The following MAD1L1 variants were observed in gnomAD, a reference collection of about 807,000 sequenced individuals.
The protein encoded by MAD1L1 is mitotic arrest deficient 1 like 1, also known as mitotic spindle assembly checkpoint protein MAD1.
MAD1L1 carries 95 observed loss-of-function variants against 96.9 expected under a neutral mutation model. The ratio of observed to expected loss-of-function variants is 0.98; its 90% CI spans 0.83 to 1.16. MAD1L1 has a LOEUF of 1.16. Among genes scored for constraint, MAD1L1 ranks in the 50% most tolerant of loss-of-function variants. The probability of loss-of-function intolerance (pLI) is 0.00; values close to 1 mark genes in which losing one functional copy is unlikely to be tolerated. For missense variants in MAD1L1, 1,007 were observed against 954.4 expected (o/e 1.06, Z -0.73); for synonymous variants, 473 against 396.6 (o/e 1.19, Z -2.29).
chr7:1,975,918 C>T (rs763501308), intron 15 of MAD1L1, among the ~76,000 whole-genome samples: 7 of 152,220 alleles, frequency 4.6e-5, no homozygotes, highest in Non-Finnish European at 5.9e-5. Flanking sequence ...AAGCGTCTAA[C>T]CAGTTGCTGA....
At chr7:2,115,273 C>G (rs927120683) in intron 11 of MAD1L1, among the ~76,000 whole-genome samples, 1 of 148,318 alleles carries the variant, frequency 6.7e-6, no homozygotes, top group African/African-American at 2.5e-5. Flanking sequence ...TCAGAGGAGG[C>G]GCTGGACAGG....
chr7:1,933,666 G>A (rs929314486), intron 17 of MAD1L1, among the ~76,000 whole-genome samples: 2 of 152,338 alleles, frequency 1.3e-5, no homozygotes, highest in South Asian at 2.1e-4. Context: ...GGGAGGCAGC[G>A]GCCGACCTGG....
rs991274947 is a variant in MAD1L1 at position 1,842,901 on chromosome 7, G to A, written c.1999-26673C>T. Among the ~76,000 whole-genome samples the A allele has an allele frequency of 3.3e-5, 5 of 152,380 alleles. No individual in the cohort carries two copies. In the South Asian group the frequency reaches 1.0e-3, roughly 32 times the overall value. Reference sequence around the variant, plus strand: ...GCCTTGCGGCTGGTTCCCGGATGGGGAGGGTACACTGCCTGGAGCTCAGGG... The same window carrying A: ...GCCTTGCGGCTGGTTCCCGGATGGGAAGGGTACACTGCCTGGAGCTCAGGG... On this transcript the variant is annotated intron_variant, in intron 18 of 18. Transcript: ENST00000265854.
At chr7:2,211,073 ATC>A (rs1312012185) in intron 10 of MAD1L1, among the ~76,000 whole-genome samples, 1 of 152,164 alleles carries the variant, frequency 6.6e-6, no homozygotes, top group African/African-American at 2.4e-5. Context: ...CCGAAGAACT[ATC>A]TGTGTTCCTC....
intron 18 of MAD1L1, chr7:1,829,763 AC>A (rs1482984201): frequency 6.6e-6 from 1 of 152,008 alleles, no homozygotes; most frequent in Non-Finnish European, 1.5e-5. Flanking sequence ...ATTAAAGTAC[AC>A]AAAGTACATC....
At chr7:2,167,558 T>C (rs1425639184) in intron 10 of MAD1L1, among the ~76,000 whole-genome samples, 1 of 150,744 alleles carries the variant, frequency 6.6e-6, no homozygotes, top group Non-Finnish European at 1.5e-5. Context: ...CAAAAAATAA[T>C]AATAATAATA....
chr7:2,220,512 C>T (rs529300490), intron 5 of MAD1L1, among the ~76,000 whole-genome samples: 1 of 152,354 alleles, frequency 6.6e-6, no homozygotes, highest in South Asian at 2.1e-4. Flanking sequence ...CGGAAACACA[C>T]GGGCGTGATG....
In MAD1L1 at chr7:1,822,442, A is replaced by ATATATATATAT. The variant is rs768089526; in HGVS notation, c.1999-6215_1999-6214insATATATATATA. Among the ~76,000 whole-genome samples the ATATATATATAT allele has an allele frequency of 1.4e-3, 192 of 140,578 alleles. 1 individual carries two copies. Among genetic ancestry groups the ATATATATATAT allele is most frequent in the African/African-American group, 3.0e-3 (114 of 38,186 alleles). The allele number at this position is 140,578 out of a possible 152,430, so 92.2% of individuals were successfully genotyped here. A position where few individuals can be genotyped will look rare whatever the true frequency, so the allele number is the denominator to read the frequency against. On this transcript the variant is annotated intron_variant, in intron 18 of 18. Transcript: ENST00000265854. Reference sequence around the variant, plus strand: ...TCCAAACCTCAGCATATATATATATATTTTTTTTTTTTTTTTGGAAAGAGG... The same window carrying ATATATATATAT: ...TCCAAACCTCAGCATATATATATATATATATATATATTTTTTTTTTTTTTTTTGGAAAGAGG...
At chr7:1,886,054 G>A (rs538434525) in intron 18 of MAD1L1, among the ~76,000 whole-genome samples, 32 of 152,304 alleles carry the variant, frequency 2.1e-4, no homozygotes, top group Admixed American at 4.6e-4. Context: ...CCTCGTCCGC[G>A]TATCAGGGCA....
At chr7:2,032,548 T>C (rs1008298028) in intron 12 of MAD1L1, among the ~76,000 whole-genome samples, 97 of 152,214 alleles carry the variant, frequency 6.4e-4, no homozygotes, top group Non-Finnish European at 4.4e-5. Context: ...TGAAAGCTCA[T>C]CTCAGCTGGG....
chr7:1,824,135 C>T (rs1332767458), intron 18 of MAD1L1, among the ~76,000 whole-genome samples: 1 of 152,124 alleles, frequency 6.6e-6, no homozygotes, highest in Non-Finnish European at 1.5e-5. Flanking sequence ...CACCACCTCC[C>T]GGCCACCAGC....
At chr7:1,920,816 C>T (rs1476600710) in intron 17 of MAD1L1, among the ~76,000 whole-genome samples, 3 of 152,240 alleles carry the variant, frequency 2.0e-5, no homozygotes, top group Admixed American at 6.5e-5. Context: ...TCACCTACAC[C>T]CCATAACGAT....
At chr7:1,892,031 C>G (rs1196759085) in intron 18 of MAD1L1, among the ~76,000 whole-genome samples, 1 of 152,230 alleles carries the variant, frequency 6.6e-6, no homozygotes, top group Non-Finnish European at 1.5e-5. Flanking sequence ...GAGCACCCGC[C>G]AGCCCTGCGA....
chr7:1,915,923 C>T (rs1338228637), intron 17 of MAD1L1, among the ~76,000 whole-genome samples: 2 of 152,174 alleles, frequency 1.3e-5, no homozygotes, highest in Non-Finnish European at 1.5e-5. Flanking sequence ...TATACTTCAT[C>T]GAGATTTAAA....
At chr7:2,192,852 T>C (rs1205659279) in intron 10 of MAD1L1, among the ~76,000 whole-genome samples, 1 of 152,204 alleles carries the variant, frequency 6.6e-6, no homozygotes, top group Non-Finnish European at 1.5e-5. Flanking sequence ...ATAATCAGAC[T>C]TCAAAAAACT....
chr7:1,917,414 C>T (rs904805496), intron 17 of MAD1L1, among the ~76,000 whole-genome samples: 9 of 152,282 alleles, frequency 5.9e-5, no homozygotes, highest in East Asian at 3.9e-4. Context: ...GTGCCCACCC[C>T]GGGTGAAGGG....
intron 14 of MAD1L1, among the ~76,000 whole-genome samples, chr7:1,987,797 C>G (rs1029924535): frequency 6.6e-6 from 1 of 152,190 alleles, no homozygotes; most frequent in Non-Finnish European, 1.5e-5. Context: ...GGCACAGGCC[C>G]GGGGCAGCAG....
intron 18 of MAD1L1, among the ~76,000 whole-genome samples, chr7:1,850,880 C>G (rs530182127): frequency 6.6e-6 from 1 of 152,298 alleles, no homozygotes; most frequent in South Asian, 2.1e-4. Flanking sequence ...GGAGGGCACA[C>G]CGAAACCTGC....
At chr7:1,879,026 G>C (rs1218323791) in intron 18 of MAD1L1, among the ~76,000 whole-genome samples, 1 of 152,116 alleles carries the variant, frequency 6.6e-6, no homozygotes, top group East Asian at 1.9e-4. Context: ...ATTTACAAAA[G>C]CATGAAAACA....
Sources: gnomAD v4.1 joint callset for allele counts (sites outside exome capture counted in the v4.1 genomes callset) on GRCh38, gnomAD v4.1.1 for gene constraint, MANE v1.5 for transcripts, NCBI Gene and HGNC (gene_info 2026-07-23, HGNC 2026-07-21) for gene names.